Variants in GPR158 observed in about 807,000 individuals in gnomAD.
The protein encoded by GPR158 is metabotropic glycine receptor.
GPR158 carries 30 observed loss-of-function variants against 78.2 expected under a neutral mutation model. That is an observed-to-expected ratio of 0.38 (90% CI 0.29 to 0.52). The LOEUF is 0.52. GPR158 is among the 20% of genes least tolerant of loss of function. The pLI, the probability that GPR158 is intolerant of heterozygous loss-of-function variation, is 0.83. For synonymous variants in GPR158, 581 were observed against 591.1 expected (o/e 0.98, Z 0.25); for missense variants, 1,463 against 1,523.5 (o/e 0.96, Z 0.66).
intron 8 of GPR158, among the ~76,000 whole-genome samples, chr10:25,592,171 A>T (rs1268109938): frequency 6.6e-6 from 1 of 151,992 alleles, no homozygotes; most frequent in African/African-American, 2.4e-5. Context: ...TGCTTAAAAA[A>T]ATTATGTCTA....
chr10:25,378,903 T>C (rs149123022), intron 2 of GPR158, among the ~76,000 whole-genome samples: 1 of 152,254 alleles, frequency 6.6e-6, no homozygotes, highest in African/African-American at 2.4e-5. Flanking sequence ...ATGATCCTCC[T>C]ACTTCAGCCC....
intron 2 of GPR158, among the ~76,000 whole-genome samples, chr10:25,306,270 A>G (rs1156863769): frequency 6.6e-6 from 1 of 152,206 alleles, no homozygotes; most frequent in Non-Finnish European, 1.5e-5. Flanking sequence ...TAGATCATCC[A>G]TAATTTGCCT....
At chr10:25,510,250 A>G (rs1419724359) in intron 5 of GPR158, among the ~76,000 whole-genome samples, 49 of 152,358 alleles carry the variant, frequency 3.2e-4, no homozygotes, top group Non-Finnish European at 1.5e-5. Context: ...AATTTTGTTC[A>G]GATAGACAAC....
intron 2 of GPR158, among the ~76,000 whole-genome samples, chr10:25,313,913 C>T (rs991782720): frequency 1.1e-4 from 16 of 152,122 alleles, no homozygotes; most frequent in African/African-American, 2.2e-4. Context: ...TGGGATGATC[C>T]GGTCTTTAAA....
chr10:25,420,864 A>T (rs565553279), intron 4 of GPR158, among the ~76,000 whole-genome samples: 2 of 152,230 alleles, frequency 1.3e-5, no homozygotes, highest in East Asian at 1.9e-4. Flanking sequence ...TTTGATTACT[A>T]TATCTTTGTA....
intron 7 of GPR158, among the ~76,000 whole-genome samples, chr10:25,576,873 T>G (rs1007543447): frequency 7.9e-5 from 12 of 151,834 alleles, no homozygotes; most frequent in African/African-American, 2.4e-4. Flanking sequence ...AAATTTTTGA[T>G]GGTGTTTTTG....
chr10:25,573,715 G>C (rs891627167), intron 7 of GPR158, among the ~76,000 whole-genome samples: 1 of 152,130 alleles, frequency 6.6e-6, no homozygotes, highest in Non-Finnish European at 1.5e-5. Context: ...AGAAACATGA[G>C]TTTGATTCCC....
At chr10:25,450,927 A>C (rs1195715872) in intron 4 of GPR158, among the ~76,000 whole-genome samples, 1 of 152,118 alleles carries the variant, frequency 6.6e-6, no homozygotes, top group Admixed American at 6.5e-5. Context: ...AAAGATTTTT[A>C]AGAATTATTT....
chr10:25,456,208 G>C (rs758957179), intron 4 of GPR158, among the ~76,000 whole-genome samples: 1 of 151,994 alleles, frequency 6.6e-6, no homozygotes, highest in Non-Finnish European at 1.5e-5. Context: ...GTTTTTGTTC[G>C]TTTTCTTGCT....
At chr10:25,389,276 G>C (rs951794550) in intron 2 of GPR158, among the ~76,000 whole-genome samples, 2 of 152,124 alleles carry the variant, frequency 1.3e-5, no homozygotes, top group African/African-American at 4.8e-5. Context: ...CAGACTCAAG[G>C]AGATGATGGG....
chr10:25,438,031 T>C (rs1046873286), intron 4 of GPR158, among the ~76,000 whole-genome samples: 1 of 152,184 alleles, frequency 6.6e-6, no homozygotes, highest in Non-Finnish European at 1.5e-5. Flanking sequence ...GGTGGAGCTA[T>C]TCACTTTGGA....
chr10:25,553,802 C>T (rs999155534), intron 6 of GPR158, among the ~76,000 whole-genome samples: 18 of 152,158 alleles, frequency 1.2e-4, no homozygotes, highest in South Asian at 8.3e-4. Context: ...CCTGACAAAT[C>T]CAAATTGGAA....
chr10:25,479,329 A>G (rs1334708792), intron 5 of GPR158, among the ~76,000 whole-genome samples: 1 of 152,120 alleles, frequency 6.6e-6, no homozygotes, highest in African/African-American at 2.4e-5. Context: ...GAACTCAAAT[A>G]CAGTTCCTTT....
intron 4 of GPR158, among the ~76,000 whole-genome samples, chr10:25,459,394 C>T (rs1835329500): frequency 1.3e-5 from 2 of 152,070 alleles, no homozygotes; most frequent in Non-Finnish European, 2.9e-5. Context: ...CTCATATTTT[C>T]CTCATAGATG....
intron 1 of GPR158, among the ~76,000 whole-genome samples, chr10:25,208,850 CTTTT>C (rs569632042): frequency 3.0e-5 from 4 of 135,070 alleles, no homozygotes; most frequent in Non-Finnish European, 3.2e-5. Context: ...TTCTTTCCTT[CTTTT>C]TTTTTTTTTT....
rs976666224 is a variant in GPR158, at chr10:25,318,537, C to T, written c.1009-77374C>T. Among the ~76,000 whole-genome samples, 4 of 151,988 alleles carry T rather than the reference C, an allele frequency of 2.6e-5. No homozygotes were observed. The East Asian group carries it at 7.7e-4, about 29-fold the overall frequency. On this transcript the variant is annotated intron_variant, in intron 2 of 10. Transcript: ENST00000376351. ...GATCCTGGCTTCTTGTCTTTCAAGG[C>T]TTAGGGCAGGGTGTTAGAAACAAAT... is the stretch of plus-strand genomic sequence containing the variant.
At position 25,422,850 on chromosome 10, in the gene GPR158, A is replaced by ATC. The variant is rs1554802450; in HGVS notation, c.1335+10377_1335+10378insTC. 3.8e-5 allele frequency among the ~76,000 whole-genome samples: 5 copies of ATC among 130,274 alleles called. 1 individual carries two copies. Among genetic ancestry groups the ATC allele is most frequent in the Non-Finnish European group, 8.1e-5 (5 of 61,906 alleles). 85.5% of individuals were successfully genotyped at this position (130,274 alleles called of 152,430 possible). On this transcript the variant is annotated intron_variant, in intron 4 of 10. Transcript: ENST00000376351. ...CTAATGTACAGTCTTTTATTCCCTTACCCCCCCCACACTTTCCCCCAAGTC... is the reference window on the plus strand; with the variant it reads ...CTAATGTACAGTCTTTTATTCCCTTATCCCCCCCCCACACTTTCCCCCAAGTC...
chr10:25,254,480 A>G (rs1025914443), intron 2 of GPR158, among the ~76,000 whole-genome samples: 2 of 152,224 alleles, frequency 1.3e-5, no homozygotes, highest in African/African-American at 4.8e-5. Flanking sequence ...GGAGTAGACA[A>G]AAATTTTCTT....
intron 6 of GPR158, among the ~76,000 whole-genome samples, chr10:25,558,649 C>T (rs1256910237): frequency 6.6e-6 from 1 of 152,136 alleles, no homozygotes; most frequent in South Asian, 2.1e-4. Flanking sequence ...ACTCTGGTGC[C>T]CCTCACCCAG....
Sources: allele counts gnomAD v4.1 joint callset (sites outside exome capture counted in the v4.1 genomes callset), GRCh38; gene constraint gnomAD v4.1.1; transcripts MANE v1.5; gene names NCBI Gene and HGNC (gene_info 2026-07-23, HGNC 2026-07-21).